Variants in CPB2 observed in about 807,000 individuals in gnomAD.
CPB2 encodes carboxypeptidase B2.
A neutral mutation model predicts 57.0 loss-of-function variants in CPB2; 54 were observed. That is an observed-to-expected ratio of 0.95 (90% CI 0.76 to 1.19). The LOEUF is 1.19. Among genes scored for constraint, CPB2 ranks in the 50% most tolerant of loss-of-function variants. The probability of loss-of-function intolerance (pLI) is 0.00; values close to 1 mark genes in which losing one functional copy is unlikely to be tolerated. For missense variants in CPB2, 426 were observed against 512.0 expected, an observed-to-expected ratio of 0.83 and a Z score of 1.62; for synonymous variants, 189 against 178.1, an observed-to-expected ratio of 1.06 and a Z score of -0.49.
chr13:46,071,117 T>G (rs987740541), intron 6 of CPB2, among the ~76,000 whole-genome samples: 1 of 152,222 alleles, frequency 6.6e-6, no homozygotes, highest in African/African-American at 2.4e-5. Flanking sequence ...TGGTTAATTC[T>G]GTGGAGTGTT....
intron 1 of CPB2, among the ~76,000 whole-genome samples, chr13:46,093,378 C>A (rs945454490): frequency 6.6e-6 from 1 of 152,196 alleles, no homozygotes; most frequent in Admixed American, 6.5e-5. Context: ...TTAGCATAAA[C>A]TATTAAACCA....
chr13:46,053,647 A>G lies in CPB2; in HGVS notation c.1239T>C (p.Ser413=). The G allele has an allele frequency of 1.2e-6, 2 of 1,614,208 alleles. No homozygotes were observed. The change falls in exon 11 of 11, where the codon TCT becomes TCC. Residue 413 remains serine, a synonymous_variant. Coordinates refer to ENST00000181383, the MANE Select transcript of CPB2 (RefSeq NM_001872.5). ...TCCTAATGACATGCCAAGCTATTTT[A>G]GAGACAGCGGCAAAAGCTTCTCTAC... ...PTCREAFAAV[S]KIAWHVIRNV
chr13:46,060,857 C>T (rs539533507), intron 8 of CPB2, among the ~76,000 whole-genome samples: 5 of 152,274 alleles, frequency 3.3e-5, no homozygotes, highest in Non-Finnish European at 5.9e-5. Context: ...ACTACTTCAT[C>T]GTCTCAGCCT....
chr13:46,077,442 G>A (rs565219026), intron 5 of CPB2, among the ~76,000 whole-genome samples: 24 of 152,172 alleles, frequency 1.6e-4, no homozygotes, highest in Admixed American at 7.9e-4. Flanking sequence ...TAGAGAGGAT[G>A]TGGAGAAAGG....
intron 1 of CPB2, chr13:46,098,583 A>C (rs1260524190): frequency 1.3e-5 from 2 of 152,310 alleles, no homozygotes; most frequent in Non-Finnish European, 2.9e-5. Context: ...GAGGGTTGGC[A>C]GCTGATATTC....
chr13:46,096,758 G>A (rs1446745651), intron 1 of CPB2, among the ~76,000 whole-genome samples: 3 of 152,024 alleles, frequency 2.0e-5, no homozygotes, highest in South Asian at 4.1e-4. Flanking sequence ...TAGCCTGGGC[G>A]ACAGAGGGAG....
intron 2 of CPB2, among the ~76,000 whole-genome samples, chr13:46,086,804 C>T (rs1339080337): frequency 6.6e-6 from 1 of 152,250 alleles, no homozygotes; most frequent in Non-Finnish European, 1.5e-5. Flanking sequence ...CCTTGGCTTC[C>T]CTCCTGTGCT....
chr13:46,101,511 T>G (rs1235079465), intron 1 of CPB2, among the ~76,000 whole-genome samples: 1 of 152,188 alleles, frequency 6.6e-6, no homozygotes, highest in Non-Finnish European at 1.5e-5. Flanking sequence ...ATTTTCTAAC[T>G]TTCCATGCGA....
At chr13:46,090,464 G>A (rs2045275916) in intron 1 of CPB2, among the ~76,000 whole-genome samples, 1 of 150,104 alleles carries the variant, frequency 6.7e-6, no homozygotes, top group Non-Finnish European at 1.5e-5. Flanking sequence ...CCAGGTTCAA[G>A]CAATTCTCCT....
chr13:46,060,290 C>T (rs2044753847), intron 8 of CPB2, among the ~76,000 whole-genome samples: 1 of 151,924 alleles, frequency 6.6e-6, no homozygotes, highest in African/African-American at 2.4e-5. Context: ...TGGTGAAACC[C>T]CGTCTCTACC....
At chr13:46,086,375 G>A (rs1178992405) in intron 2 of CPB2, among the ~76,000 whole-genome samples, 1 of 152,182 alleles carries the variant, frequency 6.6e-6, no homozygotes, top group Non-Finnish European at 1.5e-5. Context: ...CTGAGTAATA[G>A]AACAGCTCAG....
chr13:46,096,103 A>G (rs1316370891), intron 1 of CPB2, among the ~76,000 whole-genome samples: 1 of 151,554 alleles, frequency 6.6e-6, no homozygotes, highest in Non-Finnish European at 1.5e-5. Flanking sequence ...CTGGTCTCGA[A>G]CTCCTGACCT....
chr13:46,088,086 A>G (rs1260943126), intron 1 of CPB2, among the ~76,000 whole-genome samples: 1 of 152,204 alleles, frequency 6.6e-6, no homozygotes, highest in Non-Finnish European at 1.5e-5. Context: ...TTGTGCGTGC[A>G]TGTGTGTTTT....
chr13:46,079,673 G>C (rs1409647608), intron 4 of CPB2, among the ~76,000 whole-genome samples: 1 of 152,064 alleles, frequency 6.6e-6, no homozygotes, highest in Non-Finnish European at 1.5e-5. Flanking sequence ...TTTTAATTTG[G>C]ACCAACTTTC....
At chr13:46,084,680 AAC>A (rs2045172883) in intron 2 of CPB2, among the ~76,000 whole-genome samples, 1 of 152,092 alleles carries the variant, frequency 6.6e-6, no homozygotes, top group Non-Finnish European at 1.5e-5. Flanking sequence ...TTTGAAAGGA[AAC>A]AAAATTTTTT....
intron 3 of CPB2, among the ~76,000 whole-genome samples, chr13:46,083,120 G>A (rs1446247581): frequency 6.6e-6 from 1 of 152,078 alleles, no homozygotes; most frequent in East Asian, 1.9e-4. Flanking sequence ...GCTGAATTCA[G>A]GCATTCTATC....
At chr13:46,063,280 A>G (rs2044803004) in intron 8 of CPB2, among the ~76,000 whole-genome samples, 1 of 152,222 alleles carries the variant, frequency 6.6e-6, no homozygotes, top group Non-Finnish European at 1.5e-5. Context: ...TGGTGAACAC[A>G]GTACCACTTA....
At chr13:46,088,237 C>T (rs1566414133) in intron 1 of CPB2, among the ~76,000 whole-genome samples, 1 of 152,190 alleles carries the variant, frequency 6.6e-6, no homozygotes, top group Non-Finnish European at 1.5e-5. Context: ...TCCTTGTGTG[C>T]TCCTCTCTGT....
chr13:46,060,450 AG>A (rs796122472), intron 8 of CPB2, among the ~76,000 whole-genome samples: 2 of 120,686 alleles, frequency 1.7e-5, no homozygotes, highest in South Asian at 5.4e-4. Context: ...TGACAGAACA[AG>A]ACCCTGCCAC....
Sources: gnomAD v4.1 joint callset for allele counts (sites outside exome capture counted in the v4.1 genomes callset) on GRCh38, gnomAD v4.1.1 for gene constraint, MANE v1.5 for transcripts, NCBI Gene and HGNC (gene_info 2026-07-23, HGNC 2026-07-21) for gene names.